Variants in NALCN observed in about 807,000 individuals in gnomAD.
NALCN encodes the protein sodium leak channel, non-selective.
Under a neutral mutation model 225.3 loss-of-function variants are expected in NALCN, and 111 were observed. That is an observed-to-expected ratio of 0.49 (90% CI 0.42 to 0.58). The LOEUF is 0.58. Among genes scored for constraint, NALCN ranks in the 20% least tolerant of loss-of-function variants. NALCN has a pLI of 0.00. For synonymous variants in NALCN, 764 were observed against 769.0 expected (o/e 0.99, Z 0.11); for missense variants, 1,378 against 2,202.4 (o/e 0.63, Z 7.49).
At chr13:101,105,079 AAT>A (rs1594212810) in intron 22 of NALCN, 129 bp from the exon 23 acceptor site, 1 of 726,218 alleles carries the variant, frequency 1.4e-6, no homozygotes, top group East Asian at 2.6e-5. Context: ...TCCATTATAA[AAT>A]ATGTTAACTG....
At chr13:101,228,053 G>T (rs1025994606) in intron 13 of NALCN, among the ~76,000 whole-genome samples, 2 of 152,244 alleles carry the variant, frequency 1.3e-5, no homozygotes, top group Admixed American at 6.5e-5. Context: ...GGCCTGTGGT[G>T]CCCTGTGCTT....
chr13:101,107,293 A>G (rs968207035), intron 22 of NALCN, among the ~76,000 whole-genome samples, 194 bp downstream of exon 22: 2 of 152,244 alleles, frequency 1.3e-5, no homozygotes, highest in Admixed American at 6.5e-5. Flanking sequence ...CGAGTTTTCT[A>G]TAAATGTTAA....
At chr13:101,260,734 A>G (rs969878969) in intron 10 of NALCN, among the ~76,000 whole-genome samples, 1 of 152,102 alleles carries the variant, frequency 6.6e-6, no homozygotes, top group African/African-American at 2.4e-5. Flanking sequence ...GATTTTTCCT[A>G]TAGAGTTGTT....
chr13:101,171,383 A>ATACATATATGTTACATATAT (rs944255344), intron 15 of NALCN, among the ~76,000 whole-genome samples: 1 of 150,362 alleles, frequency 6.7e-6, no homozygotes, highest in African/African-American at 2.4e-5. Context: ...TGTATGACAT[A>ATACATATATGTTACATATAT]TACATATATG....
intron 15 of NALCN, among the ~76,000 whole-genome samples, chr13:101,148,448 A>T (rs2037467520): frequency 6.6e-6 from 1 of 152,184 alleles, no homozygotes; most frequent in African/African-American, 2.4e-5. Flanking sequence ...GACCATCCAG[A>T]ACAATTAACT....
chr13:101,348,993 G>T (rs2045827777), intron 6 of NALCN, among the ~76,000 whole-genome samples: 1 of 151,858 alleles, frequency 6.6e-6, no homozygotes, highest in South Asian at 2.1e-4. Flanking sequence ...TATTTCCGTA[G>T]TCATTTTCCC....
chr13:101,170,928 C>A (rs1410689668), intron 15 of NALCN, among the ~76,000 whole-genome samples: 1 of 152,096 alleles, frequency 6.6e-6, no homozygotes, highest in Non-Finnish European at 1.5e-5. Context: ...TGTCTTTCAC[C>A]AAATTTGCAA....
chr13:101,152,987 G>C (rs996783439), intron 15 of NALCN, among the ~76,000 whole-genome samples: 1 of 151,760 alleles, frequency 6.6e-6, no homozygotes, highest in Admixed American at 6.6e-5. Context: ...ACACCAAAGG[G>C]AATTCAGGAT....
chr13:101,318,342 GC>G (rs953659850), intron 7 of NALCN, among the ~76,000 whole-genome samples: 7 of 152,154 alleles, frequency 4.6e-5, no homozygotes, highest in African/African-American at 1.7e-4. Context: ...GGGGTGGTCA[GC>G]TCTGGGAACT....
chr13:101,110,376 T>C (rs1361691853), intron 20 of NALCN, among the ~76,000 whole-genome samples: 2 of 152,222 alleles, frequency 1.3e-5, no homozygotes, highest in African/African-American at 2.4e-5. Flanking sequence ...AATGACACTT[T>C]TGTGTTACTA....
At chr13:101,278,531 A>AAG (rs2043039378) in intron 10 of NALCN, among the ~76,000 whole-genome samples, 1 of 88,026 alleles carries the variant, frequency 1.1e-5, no homozygotes, top group Non-Finnish European at 3.1e-5. Flanking sequence ...TCAAAAAAAA[A>AAG]AAAAAAAAAA....
intron 7 of NALCN, among the ~76,000 whole-genome samples, chr13:101,312,103 C>T (rs920604052): frequency 6.6e-6 from 1 of 152,068 alleles, no homozygotes; most frequent in African/African-American, 2.4e-5. Context: ...GTGTACGTGT[C>T]GAGGAATTTA....
At position 101,292,780 on chromosome 13, in the gene NALCN, G is replaced by C. The variant is rs1342943073; in HGVS notation, c.800-414C>G. ...AGTTTTAACCAAAATGAAATAAATG[G>C]GAGAACTGAGTTTCATTTGAAATCA... On this transcript the variant is annotated intron_variant, in intron 7 of 43. Coordinates refer to ENST00000251127, the MANE Select transcript of NALCN (RefSeq NM_052867.4). This position sits in a 1 kb window ranked among gnomAD's most constrained non-coding sequence, Gnocchi z 4.3. Among the ~76,000 whole-genome samples, 1 of 152,098 alleles carries C rather than the reference G, an allele frequency of 6.6e-6. No homozygotes were observed. Among genetic ancestry groups the C allele is most frequent in the East Asian group, 1.9e-4 (1 of 5,190 alleles).
At chr13:101,176,180 G>T in intron 15 of NALCN, 120 bp downstream of exon 15, 1 of 570,340 alleles carries the variant, frequency 1.8e-6, no homozygotes. Flanking sequence ...TACCACCTTC[G>T]ATAGCCTTAT....
At chr13:101,283,435 A>T (rs2043234932) in intron 10 of NALCN, among the ~76,000 whole-genome samples, 1 of 152,184 alleles carries the variant, frequency 6.6e-6, no homozygotes, top group Non-Finnish European at 1.5e-5. Flanking sequence ...GTGAGAATCT[A>T]TCTCATGAGG....
At chr13:101,351,623 T>C (rs559616413) in intron 6 of NALCN, among the ~76,000 whole-genome samples, 2 of 152,268 alleles carry the variant, frequency 1.3e-5, no homozygotes, top group African/African-American at 4.8e-5. Flanking sequence ...CCAACTTAAT[T>C]ACCTTGGGAG....
At chr13:101,267,784 C>G (rs1477883371) in intron 10 of NALCN, among the ~76,000 whole-genome samples, 1 of 152,198 alleles carries the variant, frequency 6.6e-6, no homozygotes, top group African/African-American at 2.4e-5. Flanking sequence ...TTGGCTCAGA[C>G]TAGCAGGGCT....
intron 39 of NALCN, among the ~76,000 whole-genome samples, chr13:101,066,543 C>T (rs369109770): frequency 3.3e-5 from 5 of 151,718 alleles, no homozygotes; most frequent in African/African-American, 1.2e-4. Flanking sequence ...TGACTGCCTG[C>T]CAGTTACTGA....
intron 43 of NALCN, chr13:101,057,341 T>C (rs1488773200): frequency 6.5e-6 from 1 of 153,512 alleles, no homozygotes; most frequent in Non-Finnish European, 1.4e-5. Context: ...ATCAGTAAAA[T>C]ATGGAAAATA....
Sources: gnomAD v4.1 joint callset for allele counts (sites outside exome capture counted in the v4.1 genomes callset) on GRCh38, gnomAD v4.1.1 for gene constraint, Gnocchi (gnomAD v3.1) non-coding constraint, MANE v1.5 for transcripts, NCBI Gene and HGNC (gene_info 2026-07-23, HGNC 2026-07-21) for gene names.